AMBRA1: variants seen among roughly 807,000 people sequenced by gnomAD.
AMBRA1 encodes the protein autophagy and beclin 1 regulator 1, also known as activating molecule in BECN1-regulated autophagy protein 1.
Under a neutral mutation model 125.4 loss-of-function variants are expected in AMBRA1, and 47 were observed. The ratio of observed to expected loss-of-function variants is 0.37; its 90% CI spans 0.30 to 0.48. The LOEUF (loss-of-function observed/expected upper bound fraction) is 0.48. Ranked by LOEUF, AMBRA1 falls within the 20% of genes least tolerant of loss-of-function variation. AMBRA1 has a pLI of 0.99. For missense variants in AMBRA1, 1,331 were observed against 1,693.4 expected, an observed-to-expected ratio of 0.79 and a Z score of 3.76; for synonymous variants, 626 against 655.5, an observed-to-expected ratio of 0.95 and a Z score of 0.69.
intron 9 of AMBRA1, among the ~76,000 whole-genome samples, chr11:46,507,506 G>A (rs1951094290): frequency 6.6e-6 from 1 of 150,770 alleles, no homozygotes; most frequent in African/African-American, 2.4e-5. Context: ...AGATTGGCTA[G>A]CTTAAATTCT....
intron 7 of AMBRA1, among the ~76,000 whole-genome samples, chr11:46,522,995 A>G (rs1296455448): frequency 6.6e-6 from 1 of 152,212 alleles, no homozygotes; most frequent in African/African-American, 2.4e-5. Flanking sequence ...ATGAGGGAAA[A>G]GCAAAGCACA....
At chr11:46,570,864 G>A (rs1011923898) in intron 1 of AMBRA1, among the ~76,000 whole-genome samples, 3 of 152,048 alleles carry the variant, frequency 2.0e-5, no homozygotes, top group Non-Finnish European at 4.4e-5. Context: ...ACTTTTGGAA[G>A]ACTACACGAT....
At chr11:46,402,467 T>C (rs1201749986) in intron 17 of AMBRA1, among the ~76,000 whole-genome samples, 1 of 152,188 alleles carries the variant, frequency 6.6e-6, no homozygotes, top group Non-Finnish European at 1.5e-5. Flanking sequence ...GTTCAAGCAA[T>C]TCTCCTGCCT....
intron 1 of AMBRA1, among the ~76,000 whole-genome samples, chr11:46,574,536 G>A (rs986323909): frequency 1.5e-4 from 23 of 151,764 alleles, no homozygotes; most frequent in Admixed American, 1.3e-3. Flanking sequence ...TTGTAAATTT[G>A]TTTGAGTTCA....
chr11:46,470,284 T>A (rs1227858989), intron 11 of AMBRA1, among the ~76,000 whole-genome samples: 1 of 151,908 alleles, frequency 6.6e-6, no homozygotes, highest in Admixed American at 6.6e-5. Context: ...CTACAAAAAA[T>A]TTTTTAAAAA....
Position 46,575,410 on chromosome 11 carries a change from G to C in AMBRA1, c.-121+18418C>G, listed in dbSNP as rs2043921956. On this transcript the variant is annotated intron_variant, in intron 1 of 17. Transcript: ENST00000683756. The stretch of plus-strand genomic sequence containing the variant: ...AGGTGGAGGTTGTGGTGAGCTGAGA[G>C]AGCACCATTGCACTCTAGCCTGGGC... Among the ~76,000 whole-genome samples, 3 of 149,216 alleles carry C rather than the reference G, an allele frequency of 2.0e-5. No individual in the cohort carries two copies. In the Admixed American group the frequency reaches 2.0e-4, roughly 10 times the overall value.
intron 1 of AMBRA1, among the ~76,000 whole-genome samples, chr11:46,591,806 G>A (rs972097596): frequency 6.6e-5 from 10 of 151,574 alleles, no homozygotes; most frequent in Middle Eastern, 6.3e-3. Context: ...GCAGTGAGCC[G>A]AGATCGCACC....
chr11:46,585,721 T>TATATATATATATATTC (rs2044372867), intron 1 of AMBRA1, among the ~76,000 whole-genome samples: 1 of 99,846 alleles, frequency 1.0e-5, no homozygotes, highest in Non-Finnish European at 2.0e-5. Context: ...TATATATATA[T>TATATATATATATATTC]ATTCCTAGCT....
At chr11:46,451,697 C>G in intron 11 of AMBRA1, 1 of 153,668 alleles carries the variant, frequency 6.5e-6, no homozygotes, top group East Asian at 2.0e-4. Flanking sequence ...TCAGAATGGC[C>G]ATCTCTGACT....
intron 11 of AMBRA1, among the ~76,000 whole-genome samples, chr11:46,450,686 A>G (rs894275702): frequency 6.6e-6 from 1 of 152,070 alleles, no homozygotes; most frequent in Non-Finnish European, 1.5e-5. Flanking sequence ...CAAGAGATCC[A>G]CCTGCCTTGG....
chr11:46,484,606 C>A (rs1291656776), intron 11 of AMBRA1, among the ~76,000 whole-genome samples: 1 of 152,014 alleles, frequency 6.6e-6, no homozygotes, highest in African/African-American at 2.4e-5. Flanking sequence ...AGTGTATACG[C>A]ATTCCCTTTC....
chr11:46,501,898 C>T (rs1950855941), intron 9 of AMBRA1, among the ~76,000 whole-genome samples: 1 of 152,150 alleles, frequency 6.6e-6, no homozygotes, highest in Non-Finnish European at 1.5e-5. Flanking sequence ...AGTAGTTTCG[C>T]TTAAGTTACA....
intron 11 of AMBRA1, among the ~76,000 whole-genome samples, chr11:46,468,927 T>C (rs986547838): frequency 1.3e-5 from 2 of 151,992 alleles, no homozygotes. Context: ...GTGGATCACC[T>C]GAAGTCAGGA....
intron 2 of AMBRA1, 69 bp from the exon 3 acceptor site, chr11:46,547,944 A>C: frequency 6.6e-7 from 1 of 1,518,262 alleles, no homozygotes; most frequent in Non-Finnish European, 8.9e-7. Flanking sequence ...GTATCTCAAA[A>C]GCACATTAAC....
chr11:46,556,092 A>G (rs1417996016), intron 1 of AMBRA1, among the ~76,000 whole-genome samples: 2 of 152,252 alleles, frequency 1.3e-5, no homozygotes, highest in African/African-American at 2.4e-5. Context: ...AAAATTAACT[A>G]CAAAATTTCA....
At position 46,542,840 on chromosome 11, in the gene AMBRA1, G is replaced by T; in HGVS notation, c.1177C>A (p.Arg393Ser). 1 of 1,614,008 alleles carries T rather than the reference G, an allele frequency of 6.2e-7. No homozygotes were observed. The highest frequency in any genetic ancestry group is 8.5e-7 in the Non-Finnish European group (1 of 1,180,016). Residue 393 changes from arginine to serine, a missense_variant, in exon 7 of 18, where the codon CGC becomes AGC. By Grantham distance (110) the Arg-to-Ser change is moderately radical. Coordinates refer to ENST00000683756, the MANE Select transcript of AMBRA1 (RefSeq NM_001387011.1). The surrounding 1 kb of genome is among the most constrained non-coding windows in gnomAD (Gnocchi z 5.9). ...LRNLSLGPTR[R>S]SLGGPLSSHP... ...CTAGACAGAGGCCCTCCCAAAGAGC[G>T]GCGGGTAGGACCCAGACTGAGGTTG... is the stretch of plus-strand genomic sequence containing the variant.
At chr11:46,428,831 T>G (rs1047062756) in intron 14 of AMBRA1, 7 of 1,611,330 alleles carry the variant, frequency 4.3e-6, no homozygotes, top group Non-Finnish European at 5.9e-6. Context: ...CTCCAGACCT[T>G]TAGGCCGAGG....
chr11:46,559,225 G>C (rs536936985), intron 1 of AMBRA1, among the ~76,000 whole-genome samples: 1 of 151,872 alleles, frequency 6.6e-6, no homozygotes, highest in Non-Finnish European at 1.5e-5. Flanking sequence ...GCTTGAACTC[G>C]GGAGGCAGAG....
At chr11:46,514,609 T>C (rs369721020) in intron 7 of AMBRA1, among the ~76,000 whole-genome samples, 2 of 152,340 alleles carry the variant, frequency 1.3e-5, no homozygotes, top group East Asian at 3.9e-4. Context: ...GGGGTGTATT[T>C]TACAGTTGTG....
Sources: allele counts gnomAD v4.1 joint callset (sites outside exome capture counted in the v4.1 genomes callset), GRCh38; gene constraint gnomAD v4.1.1; non-coding constraint Gnocchi (gnomAD v3.1); transcripts MANE v1.5; gene names NCBI Gene and HGNC (gene_info 2026-07-23, HGNC 2026-07-21).